Variants in FLT1 observed in about 807,000 individuals in gnomAD.
FLT1 encodes vascular endothelial growth factor receptor 1.
Under a neutral mutation model 156.3 loss-of-function variants are expected in FLT1, and 49 were observed. The observed-to-expected ratio is 0.31, with a 90% CI of 0.25 to 0.40. FLT1 has a LOEUF of 0.40. FLT1 is among the 10% of genes least tolerant of loss of function. The pLI is 1.00. For synonymous variants in FLT1, 594 were observed against 583.8 expected (o/e 1.02, Z -0.25); for missense variants, 1,322 against 1,637.2 (o/e 0.81, Z 3.32).
In FLT1 at chr13:28,321,599, G is replaced by C; in HGVS notation, c.3052-14C>G. 1 of 1,613,674 alleles carries C rather than the reference G, an allele frequency of 6.2e-7. No individual in the cohort carries two copies. The highest frequency in any genetic ancestry group is 8.5e-7 in the Non-Finnish European group (1 of 1,179,620). Reference sequence around the variant, plus strand: ...CCGATGAATGCACTATAATAAAACAGTTGCATAATCAATGCATTTCCTTAA... The same window carrying C: ...CCGATGAATGCACTATAATAAAACACTTGCATAATCAATGCATTTCCTTAA... On this transcript the variant is annotated splice_polypyrimidine_tract_variant and intron_variant, in intron 22 of 29. Transcript: ENST00000282397.
chr13:28,335,260 G>A (rs1872073007), intron 17 of FLT1, among the ~76,000 whole-genome samples: 1 of 152,148 alleles, frequency 6.6e-6, no homozygotes, highest in African/African-American at 2.4e-5. Context: ...GGAAATGACA[G>A]AATACCACTG....
Position 28,339,206 on chromosome 13 carries a change from G to C in FLT1, c.2450C>G (p.Ala817Gly). The change falls in exon 17 of 30, where the codon GCC (alanine) becomes GGC (glycine). Residue 817 changes from alanine (A) to glycine (G), a missense_variant. This residue lies in a region of FLT1 where 991 missense variants were observed against 1,254.8 expected (regional missense o/e 0.79). Transcript: ENST00000282397. ...CTCCCGGGCAAACTCCCACTTGCTG[G>C]CATCATAAGGGAGCCGCTCACACTG... ...DEQCERLPYD[A>G]SKWEFARERL... The C allele has an allele frequency of 6.2e-7, 1 of 1,614,104 alleles. No individual in the cohort carries two copies. Among genetic ancestry groups the C allele is most frequent in the African/African-American group, 1.3e-5 (1 of 75,026 alleles).
chr13:28,462,680 G>A (rs200301127), intron 3 of FLT1, among the ~76,000 whole-genome samples: 1 of 152,168 alleles, frequency 6.6e-6, no homozygotes, highest in Non-Finnish European at 1.5e-5. Context: ...ACCTCCACCT[G>A]GCTGTGGGAC....
At chr13:28,406,000 A>G (rs1875776305) in intron 10 of FLT1, 106 bp from the exon 11 acceptor site, 3 of 627,518 alleles carry the variant, frequency 4.8e-6, no homozygotes, top group Non-Finnish European at 8.5e-6. Flanking sequence ...CAAAGTCACA[A>G]ATTTTATGTG....
At chr13:28,423,679 G>A (rs1174838886) in intron 10 of FLT1, among the ~76,000 whole-genome samples, 3 of 152,152 alleles carry the variant, frequency 2.0e-5, no homozygotes, top group African/African-American at 7.2e-5. Context: ...GTCTCTCTAT[G>A]AAGTGTATAT....
At chr13:28,437,844 C>A (rs1279551113) in intron 4 of FLT1, among the ~76,000 whole-genome samples, 1 of 152,194 alleles carries the variant, frequency 6.6e-6, no homozygotes, top group Admixed American at 6.5e-5. Flanking sequence ...GGGCACCCTG[C>A]TGACATTCTG....
chr13:28,345,377 C>T, intron 16 of FLT1, 68 bp downstream of exon 16: 2 of 939,816 alleles, frequency 2.1e-6, no homozygotes, highest in Non-Finnish European at 3.4e-6. Flanking sequence ...TTTGCCTACT[C>T]TAGACATCAG....
intron 14 of FLT1, chr13:28,368,367 G>T: frequency 2.0e-6 from 2 of 976,754 alleles, no homozygotes; most frequent in East Asian, 2.7e-5. Flanking sequence ...GGTCAGGCTG[G>T]TCTTGAACTC....
intron 10 of FLT1, among the ~76,000 whole-genome samples, chr13:28,410,135 T>G (rs1015429384): frequency 2.6e-5 from 4 of 152,188 alleles, no homozygotes; most frequent in African/African-American, 7.2e-5. Context: ...CACCTGTGCT[T>G]TTTCTTAATT....
At chr13:28,406,739 G>A (rs192596954) in intron 10 of FLT1, among the ~76,000 whole-genome samples, 52 of 152,130 alleles carry the variant, frequency 3.4e-4, no homozygotes, top group Admixed American at 3.3e-3. Context: ...TCGAACCTCT[G>A]GGTTCAAGCA....
At chr13:28,447,627 C>T (rs988481034) in intron 3 of FLT1, among the ~76,000 whole-genome samples, 58 of 152,074 alleles carry the variant, frequency 3.8e-4, no homozygotes, top group African/African-American at 1.4e-3. Flanking sequence ...AACTTGCATG[C>T]TTCAAAGAAC....
At chr13:28,392,935 CT>C (rs1200083700) in intron 12 of FLT1, among the ~76,000 whole-genome samples, 1 of 152,040 alleles carries the variant, frequency 6.6e-6, no homozygotes, top group Non-Finnish European at 1.5e-5. Context: ...TTGGTATTCT[CT>C]TTTGATCCAT....
intron 18 of FLT1, among the ~76,000 whole-genome samples, chr13:28,333,263 A>T (rs1296893919): frequency 6.6e-6 from 1 of 152,232 alleles, no homozygotes; most frequent in Non-Finnish European, 1.5e-5. Flanking sequence ...TTGGAAAGTT[A>T]AAAGCTGCTT....
intron 15 of FLT1, among the ~76,000 whole-genome samples, chr13:28,353,744 C>T (rs1450991771): frequency 1.3e-5 from 2 of 152,108 alleles, no homozygotes. Flanking sequence ...CTTCTGTTGT[C>T]GGTTTTGATA....
At chr13:28,454,808 G>T (rs377159238) in intron 3 of FLT1, among the ~76,000 whole-genome samples, 17 of 152,198 alleles carry the variant, frequency 1.1e-4, no homozygotes, top group African/African-American at 4.1e-4. Context: ...AAGCTTGCAG[G>T]ACACAAAGTT....
chr13:28,333,242 T>A (rs962833401), intron 18 of FLT1, among the ~76,000 whole-genome samples: 4 of 152,228 alleles, frequency 2.6e-5, no homozygotes, highest in Middle Eastern at 3.2e-3. Flanking sequence ...CCCAGCAGTA[T>A]CCTGGAGACT....
chr13:28,462,512 G>A (rs1035616340), intron 3 of FLT1, among the ~76,000 whole-genome samples: 8 of 152,128 alleles, frequency 5.3e-5, no homozygotes, highest in South Asian at 2.1e-4. Context: ...CTGGTGTTTC[G>A]TAGCTATAAT....
chr13:28,491,608 C>T (rs922035269), intron 1 of FLT1, among the ~76,000 whole-genome samples: 4 of 152,100 alleles, frequency 2.6e-5, no homozygotes, highest in African/African-American at 9.7e-5. Flanking sequence ...GTACATGCTA[C>T]TAAAGAAAAA....
intron 25 of FLT1, among the ~76,000 whole-genome samples, chr13:28,316,712 C>A (rs1486196138): frequency 6.7e-6 from 1 of 150,300 alleles, no homozygotes; most frequent in African/African-American, 2.5e-5. Context: ...GATCTTGGCT[C>A]ACTGCAATCT....
Sources: allele counts gnomAD v4.1 joint callset (sites outside exome capture counted in the v4.1 genomes callset), GRCh38; gene constraint gnomAD v4.1.1; regional missense constraint gnomAD v4.1.1; transcripts MANE v1.5; gene names NCBI Gene and HGNC (gene_info 2026-07-23, HGNC 2026-07-21).